The following ARL15 variants were observed in gnomAD, a reference collection of about 807,000 sequenced individuals.
ARL15 encodes ARF like GTPase 15, also known as ADP-ribosylation factor-like protein 15.
Under a neutral mutation model 25.2 loss-of-function variants are expected in ARL15, and 19 were observed. The ratio of observed to expected loss-of-function variants is 0.75; its 90% CI spans 0.53 to 1.10. The LOEUF (loss-of-function observed/expected upper bound fraction) is 1.10, where lower values mean the gene tolerates loss of function less well. Ranked by LOEUF, ARL15 falls within the 50% of genes least tolerant of loss-of-function variation. ARL15 has a pLI of 0.00. For missense variants in ARL15, 220 were observed against 246.0 expected, an observed-to-expected ratio of 0.89 and a Z score of 0.71; for synonymous variants, 94 against 86.8, an observed-to-expected ratio of 1.08 and a Z score of -0.46.
At chr5:54,051,433 C>G (rs1750697856) in intron 4 of ARL15, among the ~76,000 whole-genome samples, 1 of 152,140 alleles carries the variant, frequency 6.6e-6, no homozygotes, top group Admixed American at 6.5e-5. Context: ...GTTTAACATA[C>G]TATTTGATAC....
chr5:54,292,477 A>C (rs940509290), intron 1 of ARL15, among the ~76,000 whole-genome samples: 5 of 152,158 alleles, frequency 3.3e-5, no homozygotes, highest in Non-Finnish European at 7.3e-5. Context: ...CTTCACTCTC[A>C]AACCAGAAGG....
intron 4 of ARL15, among the ~76,000 whole-genome samples, chr5:53,918,111 G>A (rs1745715889): frequency 1.3e-5 from 2 of 152,104 alleles, no homozygotes; most frequent in South Asian, 4.1e-4. Context: ...AACTACTAAT[G>A]AATCAAGAAA....
intron 4 of ARL15, among the ~76,000 whole-genome samples, chr5:54,040,835 G>A (rs1190206864): frequency 2.6e-5 from 4 of 152,148 alleles, no homozygotes. Context: ...AAAATACACT[G>A]AAATGTGATT....
intron 3 of ARL15, among the ~76,000 whole-genome samples, chr5:54,150,752 T>G (rs1754040607): frequency 6.6e-6 from 1 of 151,638 alleles, no homozygotes; most frequent in African/African-American, 2.4e-5. Context: ...GAGCCGAGAT[T>G]GCACCACTGC....
chr5:54,136,868 G>A (rs1011392520), intron 3 of ARL15, among the ~76,000 whole-genome samples: 5 of 151,176 alleles, frequency 3.3e-5, no homozygotes, highest in Non-Finnish European at 7.4e-5. Context: ...AGTCTGCCTG[G>A]GTTTTTTTTT....
At chr5:54,086,792 C>G (rs1751976464) in intron 4 of ARL15, among the ~76,000 whole-genome samples, 1 of 152,090 alleles carries the variant, frequency 6.6e-6, no homozygotes, top group African/African-American at 2.4e-5. Flanking sequence ...CTTCATTTTT[C>G]TAGGCTCTGG....
chr5:54,170,021 T>C (rs991733537), intron 2 of ARL15, among the ~76,000 whole-genome samples: 8 of 152,164 alleles, frequency 5.3e-5, no homozygotes, highest in African/African-American at 1.9e-4. Context: ...TTTTAAAACT[T>C]ACTTGCCGGC....
chr5:54,157,747 G>C (rs992606548), intron 2 of ARL15, among the ~76,000 whole-genome samples: 1 of 152,052 alleles, frequency 6.6e-6, no homozygotes, highest in Non-Finnish European at 1.5e-5. Context: ...TAAATGTCCC[G>C]ACAAAATAGT....
At chr5:54,202,287 C>A (rs1755746530) in intron 1 of ARL15, among the ~76,000 whole-genome samples, 1 of 152,088 alleles carries the variant, frequency 6.6e-6, no homozygotes, top group East Asian at 1.9e-4. Context: ...GTTACATGGC[C>A]AGGGGGCATC....
At chr5:54,061,801 C>A (rs984507055) in intron 4 of ARL15, among the ~76,000 whole-genome samples, 1 of 151,972 alleles carries the variant, frequency 6.6e-6, no homozygotes, top group Non-Finnish European at 1.5e-5. Flanking sequence ...ACTAGGGCAC[C>A]GCCTAGTGGA....
At chr5:54,308,018 T>C (rs1051285842) in intron 1 of ARL15, 4 of 152,174 alleles carry the variant, frequency 2.6e-5, no homozygotes, top group Admixed American at 2.0e-4. Context: ...ATAAATTGAT[T>C]TCTATTCCTC....
intron 4 of ARL15, among the ~76,000 whole-genome samples, chr5:53,910,633 T>A (rs113945562): frequency 0.043 from 2,367 of 54,776 alleles, 44 homozygotes; most frequent in Middle Eastern, 0.064. Flanking sequence ...TAAAAAAAAA[T>A]TATATATATA....
At chr5:54,269,248 A>G (rs935137734) in intron 1 of ARL15, among the ~76,000 whole-genome samples, 2 of 152,094 alleles carry the variant, frequency 1.3e-5, no homozygotes, top group Admixed American at 6.5e-5. Context: ...AAAATAAAAT[A>G]AAAGAACAAG....
At chr5:54,032,750 T>C (rs1002602450) in intron 4 of ARL15, among the ~76,000 whole-genome samples, 1 of 152,200 alleles carries the variant, frequency 6.6e-6, no homozygotes, top group Non-Finnish European at 1.5e-5. Flanking sequence ...ATTTCAATCA[T>C]GCATAAAGCT....
intron 4 of ARL15, among the ~76,000 whole-genome samples, chr5:53,981,584 G>A (rs1748120181): frequency 6.6e-6 from 1 of 152,106 alleles, no homozygotes; most frequent in African/African-American, 2.4e-5. Flanking sequence ...ATTAATTTGT[G>A]GTATCTGCAA....
At chr5:54,089,022 T>C (rs1752056951) in intron 4 of ARL15, among the ~76,000 whole-genome samples, 1 of 152,222 alleles carries the variant, frequency 6.6e-6, no homozygotes, top group Admixed American at 6.5e-5. Flanking sequence ...TATGAATGAT[T>C]ACTTGAAATC....
intron 4 of ARL15, among the ~76,000 whole-genome samples, chr5:53,993,306 T>C (rs956260451): frequency 2.6e-5 from 4 of 152,100 alleles, no homozygotes; most frequent in Non-Finnish European, 4.4e-5. Context: ...AACCACTGAT[T>C]GAGTCATAGA....
At chr5:54,235,619 G>A (rs1176489141) in intron 1 of ARL15, among the ~76,000 whole-genome samples, 1 of 151,724 alleles carries the variant, frequency 6.6e-6, no homozygotes, top group East Asian at 1.9e-4. Flanking sequence ...ATATAGGCAT[G>A]TGCCACCACA....
chr5:54,060,023 A>G (rs1751013766), intron 4 of ARL15, among the ~76,000 whole-genome samples: 1 of 150,000 alleles, frequency 6.7e-6, no homozygotes, highest in Non-Finnish European at 1.5e-5. Context: ...CTGTGTCCCC[A>G]CCCAAATCTC....
Sources: gnomAD v4.1 joint callset for allele counts (sites outside exome capture counted in the v4.1 genomes callset) on GRCh38, gnomAD v4.1.1 for gene constraint, MANE v1.5 for transcripts, NCBI Gene and HGNC (gene_info 2026-07-23, HGNC 2026-07-21) for gene names.